SCNN1A: variants seen among roughly 807,000 people sequenced by gnomAD.
SCNN1A encodes epithelial sodium channel subunit alpha.
Under a neutral mutation model 68.6 loss-of-function variants are expected in SCNN1A, and 65 were observed. The ratio of observed to expected loss-of-function variants is 0.95; its 90% CI spans 0.78 to 1.16. The LOEUF (loss-of-function observed/expected upper bound fraction) is 1.16. Among genes scored for constraint, SCNN1A ranks in the 50% most tolerant of loss-of-function variants. SCNN1A has a pLI of 0.00. For missense variants in SCNN1A, 880 were observed against 865.9 expected (o/e 1.02, Z -0.20); for synonymous variants, 357 against 353.3 (o/e 1.01, Z -0.12).
chr12:6,350,695 G>T (rs1363588495), intron 8 of SCNN1A, among the ~76,000 whole-genome samples: 4 of 151,924 alleles, frequency 2.6e-5, no homozygotes, highest in Non-Finnish European at 5.9e-5. Flanking sequence ...AAATTAGTCG[G>T]GTGTGGTGGT....
Position 6,354,517 on chromosome 12 carries a change from C to T in SCNN1A, c.1281G>A (p.Lys427=). ...IHSCFQESMI[K]ECGCAYIFYP... ...AGAAGATGTAGGCACAGCCACACTC[C>T]TTGATCATGCTCTCCTGGAAGCAGG... Residue 427 remains lysine (K), a synonymous_variant, in exon 8 of 13, where the codon AAG becomes AAA. Coordinates refer to ENST00000228916, the MANE Select transcript of SCNN1A (RefSeq NM_001038.6). 6.8e-6 allele frequency: 11 copies of T among 1,613,952 alleles called. No individual in the cohort carries two copies. Among genetic ancestry groups the T allele is most frequent in the Non-Finnish European group, 7.6e-6 (9 of 1,179,980 alleles).
intron 12 of SCNN1A, 53 bp downstream of exon 12, chr12:6,348,674 C>T: frequency 6.7e-7 from 1 of 1,482,480 alleles, no homozygotes; most frequent in Non-Finnish European, 9.4e-7. Flanking sequence ...CGACAGCCGC[C>T]CTGCTAAGTA....
upstream of SCNN1A, among the ~76,000 whole-genome samples, chr12:6,376,717 G>C (rs1948917373): frequency 6.6e-6 from 1 of 152,172 alleles, no homozygotes; most frequent in Non-Finnish European, 1.5e-5. Flanking sequence ...AGGAGACTCG[G>C]GAGAGCCACC....
chr12:6,354,617 C>T, intron 7 of SCNN1A, 62 bp from the exon 8 acceptor site: 1 of 1,420,584 alleles, frequency 7.0e-7, no homozygotes, highest in Non-Finnish European at 1.0e-6. Context: ...GTTCTCTGCA[C>T]AGAGCCTCCA....
chr12:6,363,860 C>G (rs1032094909), intron 2 of SCNN1A, 150 bp from the exon 3 acceptor site: 2 of 606,044 alleles, frequency 3.3e-6, no homozygotes, highest in Admixed American at 7.7e-5. Context: ...GCCTCCTGGC[C>G]GTCCGGCGGT....
chr12:6,364,958 A>G (rs2136889615), intron 2 of SCNN1A, among the ~76,000 whole-genome samples: 1 of 152,238 alleles, frequency 6.6e-6, no homozygotes, highest in Non-Finnish European at 1.5e-5. Flanking sequence ...GCTGAAATAA[A>G]TCAAAGATCA....
chr12:6,352,198 A>G (rs529168170), intron 8 of SCNN1A, among the ~76,000 whole-genome samples: 2 of 152,172 alleles, frequency 1.3e-5, no homozygotes, highest in African/African-American at 4.8e-5. Flanking sequence ...AATGAGTGAA[A>G]TGTATGGGAT....
rs529420337 is a variant in SCNN1A, at chr12:6,350,289, G to A, written c.1361-884C>T. 7.9e-5 allele frequency among the ~76,000 whole-genome samples: 12 copies of A among 151,220 alleles called. No individual in the cohort carries two copies. In the East Asian group the frequency reaches 1.0e-3, roughly 13 times the overall value. Reference sequence around the variant, plus strand: ...CTACTAAAAATACAAAAAATTAGCCGGGCGTGGTGGCGGGCGCCTGTAGTC... The same window carrying A: ...CTACTAAAAATACAAAAAATTAGCCAGGCGTGGTGGCGGGCGCCTGTAGTC... On this transcript the variant is annotated intron_variant, in intron 8 of 12. Coordinates refer to ENST00000228916, the MANE Select transcript of SCNN1A (RefSeq NM_001038.6).
chr12:6,374,989 T>TCCTC lies in SCNN1A; in HGVS notation c.-54-156_-54-153dup, dbSNP rs1948877237. 7 of 1,551,606 alleles carry TCCTC rather than the reference T, an allele frequency of 4.5e-6. No homozygotes were observed. The highest frequency in any genetic ancestry group is 6.1e-6 in the Non-Finnish European group (7 of 1,148,222). On this transcript the variant is annotated intron_variant, in intron 1 of 12. Transcript: ENST00000228916. The surrounding 1 kb of genome is among the most constrained non-coding windows in gnomAD (Gnocchi z 6.2). ...CCACCCTGCGCCCACATTCTCCCACTCCTCCCTCCCTCCTCCACCTTTCCT... is the reference window on the plus strand; with the variant it reads ...CCACCCTGCGCCCACATTCTCCCACTCCTCCCTCCCTCCCTCCTCCACCTTTCCT...
Position 6,374,246 on chromosome 12 carries a change from G to T in SCNN1A, c.416+122C>A. The T allele has an allele frequency of 9.0e-7, 1 of 1,105,348 alleles. No individual in the cohort carries two copies. The highest frequency in any genetic ancestry group is 1.3e-6 in the Non-Finnish European group (1 of 765,338). The allele number at this position is 1,105,348 out of a possible 1,614,324, so 68.5% of individuals were successfully genotyped here. On this transcript the variant is annotated intron_variant, in intron 2 of 12. Transcript: ENST00000228916. This position sits in a 1 kb window ranked among gnomAD's most constrained non-coding sequence, Gnocchi z 6.2. ...ATTTTGCCAGCAGTGAGCTCTACCT[G>T]GGACAGGGGTGTCAGTTCCCACCCT...
At chr12:6,368,483 C>T (rs1206335530) in intron 2 of SCNN1A, among the ~76,000 whole-genome samples, 1 of 152,166 alleles carries the variant, frequency 6.6e-6, no homozygotes, top group Non-Finnish European at 1.5e-5. Context: ...ATGAAGAAAC[C>T]TTTAGGACAA....
upstream of SCNN1A, among the ~76,000 whole-genome samples, chr12:6,376,478 A>G (rs1407973777): frequency 6.6e-6 from 1 of 152,224 alleles, no homozygotes; most frequent in Non-Finnish European, 1.5e-5. Context: ...AGAGGCAGGG[A>G]AAGCAGGCAC....
chr12:6,349,076 A>G, intron 10 of SCNN1A, 71 bp from the exon 11 acceptor site: 1 of 1,603,740 alleles, frequency 6.2e-7, no homozygotes, highest in Non-Finnish European at 8.5e-7. Context: ...GGGTTGTGTC[A>G]AACACACTCA....
intron 8 of SCNN1A, among the ~76,000 whole-genome samples, chr12:6,353,058 G>T (rs1279515168): frequency 6.6e-6 from 1 of 152,194 alleles, no homozygotes; most frequent in Non-Finnish European, 1.5e-5. Context: ...AACCCTTGCA[G>T]CTTACATATT....
Position 6,347,759 on chromosome 12 carries a change from C to T in SCNN1A, c.*114G>A, listed in dbSNP as rs886049756. ...ATCTTGCTTCCCCTCCACACATCAA[C>T]GGCAGTTTGGGCGGCTCTGAGAGGA... is the stretch of plus-strand genomic sequence containing the variant. On this transcript the variant is annotated 3_prime_UTR_variant, in exon 13 of 13. Coordinates refer to ENST00000228916, the MANE Select transcript of SCNN1A (RefSeq NM_001038.6). The T allele has an allele frequency of 7.5e-5, 67 of 891,150 alleles. No homozygotes were observed. The highest frequency in any genetic ancestry group is 2.9e-5 in the Non-Finnish European group (16 of 552,734). The allele number at this position is 891,150 out of a possible 1,614,324, so 55.2% of individuals were successfully genotyped here.
chr12:6,360,106 A>G (rs1948559041), intron 4 of SCNN1A, among the ~76,000 whole-genome samples: 1 of 152,158 alleles, frequency 6.6e-6, no homozygotes. Flanking sequence ...ATGGACTAAC[A>G]CACAGGACTA....
At chr12:6,368,125 TTTAA>T (rs1280758112) in intron 2 of SCNN1A, among the ~76,000 whole-genome samples, 2 of 152,260 alleles carry the variant, frequency 1.3e-5, no homozygotes, top group Non-Finnish European at 2.9e-5. Context: ...ATGTACATTA[TTTAA>T]TTGTTAAAAG....
At chr12:6,368,834 G>T (rs1315110996) in intron 2 of SCNN1A, among the ~76,000 whole-genome samples, 2 of 152,190 alleles carry the variant, frequency 1.3e-5, no homozygotes, top group African/African-American at 4.8e-5. Flanking sequence ...GTAACTCGGG[G>T]TAAGTGACCC....
intron 2 of SCNN1A, among the ~76,000 whole-genome samples, chr12:6,366,689 A>G (rs751024543): frequency 3.3e-5 from 5 of 151,900 alleles, no homozygotes; most frequent in African/African-American, 4.8e-5. Flanking sequence ...AATCCCAGCT[A>G]CTCGGGAGGC....
Sources: gnomAD v4.1 joint callset for allele counts (sites outside exome capture counted in the v4.1 genomes callset) on GRCh38, gnomAD v4.1.1 for gene constraint, Gnocchi (gnomAD v3.1) non-coding constraint, MANE v1.5 for transcripts, NCBI Gene and HGNC (gene_info 2026-07-23, HGNC 2026-07-21) for gene names.